ZNF550: variants seen among roughly 807,000 people sequenced by gnomAD.
ZNF550 encodes zinc finger protein 550.
In ZNF550, 42 loss-of-function variants were observed where a neutral mutation model predicts 40.2. The observed-to-expected ratio is 1.05, with a 90% CI of 0.82 to 1.35. ZNF550 has a LOEUF of 1.35. Among genes scored for constraint, ZNF550 ranks in the 40% most tolerant of loss-of-function variants. ZNF550 has a pLI of 0.00. For missense variants in ZNF550, 549 were observed against 525.2 expected, an observed-to-expected ratio of 1.05 and a Z score of -0.44; for synonymous variants, 223 against 198.6, an observed-to-expected ratio of 1.12 and a Z score of -1.03.
At chr19:57,556,186 AATC>A in intron 2 of ZNF550, 42 bp downstream of exon 2, 1 of 1,613,198 alleles carries the variant, frequency 6.2e-7, no homozygotes, top group Non-Finnish European at 8.5e-7. Context: ...CCTGGCCAAG[AATC>A]AGGGTTAGGG....
At chr19:57,548,918 T>C (rs139843415) in intron 3 of ZNF550, among the ~76,000 whole-genome samples, 20 of 152,180 alleles carry the variant, frequency 1.3e-4, no homozygotes, top group African/African-American at 4.8e-4. Flanking sequence ...ATCCTATCAT[T>C]TGCAACAACA....
chr19:57,546,991 T>C, exon 4 of ZNF550: 1 of 1,611,910 alleles, frequency 6.2e-7, no homozygotes. Context: ...ATGGACCCTT[T>C]GGTGCTGCAG....
chr19:57,547,373 G>T (rs984048632), exon 4 of ZNF550: 4 of 1,612,018 alleles, frequency 2.5e-6, no homozygotes, highest in Non-Finnish European at 3.4e-6. Context: ...TTTCGACATT[G>T]ACTACACTCA....
chr19:57,560,521 T>C (rs1012950674), upstream of ZNF550, among the ~76,000 whole-genome samples: 2 of 152,212 alleles, frequency 1.3e-5, no homozygotes, highest in African/African-American at 4.8e-5. Context: ...GTACACATTT[T>C]TGAGAAGAGT....
rs755087909 is a variant in ZNF550, at chr19:57,547,912, A to G, written c.332T>C (p.Leu111Pro). Residue 111 changes from leucine (L) to proline (P), a missense_variant, in exon 4 of 5, where the codon CTG becomes CCG. By Grantham distance (98) the Leu-to-Pro change is moderately conservative. Transcript: ENST00000457177. ...ACTTGAGGTTGAAGATTCCAGAGTC[A>G]GGCTTCCCCGGAGAAAGGCCCGCTC... 57 of 1,614,000 alleles carry G rather than the reference A, an allele frequency of 3.5e-5. 2 individuals carry two copies. In the South Asian group the frequency reaches 6.0e-4, roughly 17 times the overall value.
At chr19:57,543,764 C>T (rs1471478546) in intron 4 of ZNF550, 4 of 415,864 alleles carry the variant, frequency 9.6e-6, no homozygotes, top group South Asian at 1.0e-4. Flanking sequence ...GGTGAAACCC[C>T]GTCTCTACTA....
chr19:57,554,234 T>C lies in ZNF550; in HGVS notation c.155-1512A>G, dbSNP rs1289849917. The C allele has an allele frequency of 6.6e-6, 1 of 152,162 alleles. No homozygotes were observed. Among genetic ancestry groups the C allele is most frequent in the African/African-American group, 2.4e-5 (1 of 41,434 alleles). 9.4% of individuals were successfully genotyped at this position (152,162 alleles called of 1,614,324 possible). On this transcript the variant is annotated intron_variant, in intron 2 of 4. Coordinates refer to ENST00000457177, the Ensembl canonical transcript of ZNF550. The surrounding 1 kb of genome is among the most constrained non-coding windows in gnomAD (Gnocchi z 4.5). ...AAATAAATTGGTAATGCAAGAGTCT[T>C]CATTAGGCAGGTGACCAAAGCTGGA...
Position 57,554,858 on chromosome 19 carries a change from CCTT to C in ZNF550, c.154+1370_154+1372del, listed in dbSNP as rs1334347148. 6.6e-6 allele frequency: 1 copy of C among 152,318 alleles called. No individual in the cohort carries two copies. Among genetic ancestry groups the C allele is most frequent in the East Asian group, 1.9e-4 (1 of 5,200 alleles). 9.4% of individuals were successfully genotyped at this position (152,318 alleles called of 1,614,324 possible). On this transcript the variant is annotated intron_variant, in intron 2 of 4. Transcript: ENST00000457177. The surrounding 1 kb of genome is among the most constrained non-coding windows in gnomAD (Gnocchi z 4.5). ...GGAACACTGTTACCCTCTTCCACCT[CCTT>C]CTATCCAGCTAACTCCTACTCAGCT...
Position 57,554,411 on chromosome 19 carries a change from A to G in ZNF550, c.155-1689T>C, listed in dbSNP as rs1472532650. 6.6e-6 allele frequency: 1 copy of G among 152,306 alleles called. No individual in the cohort carries two copies. Among genetic ancestry groups the G allele is most frequent in the Non-Finnish European group, 1.5e-5 (1 of 68,106 alleles). The allele number at this position is 152,306 out of a possible 1,614,324, so 9.4% of individuals were successfully genotyped here. ...AGCCTGAACCAAGAAGAAGGAACAG[A>G]GAACCAAGACATCCTTGATGGCGTC... On this transcript the variant is annotated intron_variant, in intron 2 of 4. Transcript: ENST00000457177. This position sits in a 1 kb window ranked among gnomAD's most constrained non-coding sequence, Gnocchi z 4.5.
At chr19:57,552,572 C>T (rs1026019135) in intron 3 of ZNF550, 55 bp downstream of exon 3, 159 of 1,361,388 alleles carry the variant, frequency 1.2e-4, no homozygotes, top group Non-Finnish European at 1.6e-4. Context: ...CAGTGGTGCC[C>T]TCACATTATC....
intron 2 of ZNF550, chr19:57,553,912 C>T (rs2090096864): frequency 1.3e-5 from 2 of 152,142 alleles, no homozygotes; most frequent in Non-Finnish European, 2.9e-5. Flanking sequence ...CATGGTGGCT[C>T]ATGCTGTAAT....
chr19:57,545,143 C>G (rs576242786), intron 4 of ZNF550, among the ~76,000 whole-genome samples: 1 of 152,232 alleles, frequency 6.6e-6, no homozygotes, highest in Admixed American at 6.5e-5. Context: ...AAACTAATTA[C>G]CATATTCAGT....
chr19:57,544,697 A>C (rs2089992990), intron 4 of ZNF550: 1 of 712,064 alleles, frequency 1.4e-6, no homozygotes, highest in Non-Finnish European at 1.7e-6. Flanking sequence ...ATATATATGC[A>C]GTGCTTTAAA....
intron 3 of ZNF550, among the ~76,000 whole-genome samples, chr19:57,548,249 G>T (rs1278480005): frequency 6.6e-6 from 1 of 152,176 alleles, no homozygotes; most frequent in East Asian, 1.9e-4. Flanking sequence ...TTACAGTTCA[G>T]AGTAAGGAAG....
At chr19:57,548,064 TC>T in intron 3 of ZNF550, 71 bp from the exon 4 acceptor site, 2 of 1,372,938 alleles carry the variant, frequency 1.5e-6, no homozygotes, top group Non-Finnish European at 2.0e-6. Context: ...AATAACCACT[TC>T]AGTAGGAAAA....
At chr19:57,559,422 G>C (rs2090150524) in intron 1 of ZNF550, among the ~76,000 whole-genome samples, 1 of 152,146 alleles carries the variant, frequency 6.6e-6, no homozygotes, top group Non-Finnish European at 1.5e-5. Context: ...AGGGGTTCCG[G>C]GACCCTAAAA....
chr19:57,551,384 C>T (rs180698505), intron 3 of ZNF550, among the ~76,000 whole-genome samples: 11 of 152,148 alleles, frequency 7.2e-5, no homozygotes, highest in Admixed American at 5.9e-4. Context: ...TGTCAGGAGC[C>T]TCTGGTATGG....
chr19:57,546,862 C>T (rs1020587001), exon 4 of ZNF550: 54 of 1,433,390 alleles, frequency 3.8e-5, no homozygotes, highest in Middle Eastern at 2.6e-4. Context: ...TGAAAAGTTT[C>T]CTGACATTCT....
exon 4 of ZNF550, chr19:57,547,758 C>G: frequency 6.2e-7 from 1 of 1,614,134 alleles, no homozygotes; most frequent in Non-Finnish European, 8.5e-7. Flanking sequence ...CATCTGTCCC[C>G]AAACCTTCAC....
Sources: gnomAD v4.1 joint callset for allele counts (sites outside exome capture counted in the v4.1 genomes callset) on GRCh38, gnomAD v4.1.1 for gene constraint, Gnocchi (gnomAD v3.1) non-coding constraint, MANE v1.5 for transcripts, NCBI Gene and HGNC (gene_info 2026-07-23, HGNC 2026-07-21) for gene names.